PRKCA: variants seen among roughly 807,000 people sequenced by gnomAD.
The protein encoded by PRKCA is protein kinase C alpha type.
Under a neutral mutation model 87.0 loss-of-function variants are expected in PRKCA, and 27 were observed. That is an observed-to-expected ratio of 0.31 (90% confidence interval 0.23 to 0.43). PRKCA has a LOEUF of 0.43. Ranked by LOEUF, PRKCA falls within the 20% of genes least tolerant of loss-of-function variation. PRKCA has a pLI of 1.00. For synonymous variants in PRKCA, 329 were observed against 311.1 expected, an observed-to-expected ratio of 1.06 and a Z score of -0.61; for missense variants, 518 against 852.3, an observed-to-expected ratio of 0.61 and a Z score of 4.88.
chr17:66,510,196 G>GT (rs1917163010), intron 3 of PRKCA, among the ~76,000 whole-genome samples: 1 of 152,132 alleles, frequency 6.6e-6, no homozygotes, highest in Non-Finnish European at 1.5e-5. Context: ...TCTGTGAAAT[G>GT]TTTCCTGCGA....
chr17:66,498,370 CTCTCT>C (rs1298174341), intron 3 of PRKCA, among the ~76,000 whole-genome samples: 4 of 152,154 alleles, frequency 2.6e-5, no homozygotes, highest in South Asian at 4.2e-4. Context: ...TTTTTCTTTC[CTCTCT>C]TCTCTTCTCT....
intron 8 of PRKCA, among the ~76,000 whole-genome samples, chr17:66,710,279 C>T (rs1054890235): frequency 3.3e-5 from 5 of 152,044 alleles, no homozygotes; most frequent in Admixed American, 6.5e-5. Context: ...TGCTGTGTCT[C>T]GGGGTCACCG....
rs371432083 is a variant in PRKCA at position 66,731,883 on chromosome 17, C to A, written c.919-805C>A. Among the ~76,000 whole-genome samples, 267 of 148,356 alleles carry A rather than the reference C, an allele frequency of 1.8e-3. 1 individual carries two copies. The highest frequency in any genetic ancestry group is 6.3e-3 in the African/African-American group (256 of 40,354). On this transcript the variant is annotated intron_variant, in intron 8 of 16. Transcript: ENST00000413366. ...ACTGCAACCTCCGCCCCCCGCCCCC[C>A]GGTTCAAGCGATTCTCCTGCCTCAG...
At chr17:66,572,662 G>A (rs2143401434) in intron 3 of PRKCA, among the ~76,000 whole-genome samples, 1 of 152,100 alleles carries the variant, frequency 6.6e-6, no homozygotes, top group South Asian at 2.1e-4. Flanking sequence ...ACCATGCCTG[G>A]CTTTTTGATT....
chr17:66,635,694 G>A (rs1598833003), intron 3 of PRKCA, among the ~76,000 whole-genome samples: 1 of 152,130 alleles, frequency 6.6e-6, no homozygotes. Context: ...CAATACTACT[G>A]TATTCCCTAT....
At chr17:66,748,623 G>C (rs1274584812) in intron 13 of PRKCA, among the ~76,000 whole-genome samples, 1 of 152,174 alleles carries the variant, frequency 6.6e-6, no homozygotes, top group Non-Finnish European at 1.5e-5. Flanking sequence ...ATCCCTGAGA[G>C]AGCAGTGTTG....
At chr17:66,539,411 T>G (rs1967901752) in intron 3 of PRKCA, among the ~76,000 whole-genome samples, 1 of 151,996 alleles carries the variant, frequency 6.6e-6, no homozygotes, top group Non-Finnish European at 1.5e-5. Flanking sequence ...TGAAATCTTT[T>G]TTTTTTTTTT....
rs571366057 is a variant in PRKCA, at chr17:66,643,337, T to G, written c.400+1871T>G. 5.3e-3 allele frequency among the ~76,000 whole-genome samples: 802 copies of G among 152,294 alleles called. 10 individuals are homozygous for G. Among genetic ancestry groups the G allele is most frequent in the African/African-American group, 0.018 (756 of 41,574 alleles). The stretch of plus-strand genomic sequence containing the variant: ...AGTTTTCTGCATGAATGAGGATTTT[T>G]GGATGCTGTACTACTTTAACATAAT... On this transcript the variant is annotated intron_variant, in intron 4 of 16. Coordinates refer to ENST00000413366, the MANE Select transcript of PRKCA (RefSeq NM_002737.3).
intron 2 of PRKCA, among the ~76,000 whole-genome samples, chr17:66,463,898 A>T (rs1567842631): frequency 6.6e-6 from 1 of 152,168 alleles, no homozygotes; most frequent in East Asian, 1.9e-4. Flanking sequence ...CAAAGTCCAC[A>T]GTTTATGGAA....
At chr17:66,794,096 A>G (rs1389906653) in intron 16 of PRKCA, among the ~76,000 whole-genome samples, 1 of 152,238 alleles carries the variant, frequency 6.6e-6, no homozygotes, top group African/African-American at 2.4e-5. Context: ...CACTGTACTT[A>G]AATGGTTATT....
chr17:66,309,923 A>G (rs182458493), intron 2 of PRKCA, among the ~76,000 whole-genome samples: 87 of 152,232 alleles, frequency 5.7e-4, no homozygotes, highest in Non-Finnish European at 3.8e-4. Context: ...TGCACTGGCT[A>G]CTTCCAAAGT....
intron 3 of PRKCA, among the ~76,000 whole-genome samples, chr17:66,546,947 C>G (rs1968162576): frequency 1.3e-5 from 2 of 152,138 alleles, no homozygotes; most frequent in South Asian, 4.1e-4. Context: ...CTCATTTTGC[C>G]AAGCATAAAA....
intron 4 of PRKCA, among the ~76,000 whole-genome samples, chr17:66,643,295 G>A (rs528377041): frequency 2.6e-5 from 4 of 152,222 alleles, no homozygotes; most frequent in Non-Finnish European, 4.4e-5. Flanking sequence ...CGTTAGACAC[G>A]GTTCCTGTTT....
At chr17:66,416,617 T>C (rs1912167102) in intron 2 of PRKCA, 1 of 152,178 alleles carries the variant, frequency 6.6e-6, no homozygotes, top group Non-Finnish European at 1.5e-5. Context: ...ATCCACCCAA[T>C]AGTCTCAAGC....
chr17:66,735,349 C>T, intron 9 of PRKCA, 140 bp from the exon 10 acceptor site: 1 of 878,088 alleles, frequency 1.1e-6, no homozygotes, highest in Non-Finnish European at 1.8e-6. Context: ...CAAATTTGCA[C>T]ATAAAGTTTA....
At chr17:66,751,218 C>G (rs1021841071) in intron 13 of PRKCA, among the ~76,000 whole-genome samples, 10 of 152,214 alleles carry the variant, frequency 6.6e-5, no homozygotes, top group Non-Finnish European at 1.3e-4. Context: ...ATGCGCCACG[C>G]ACTTAACGCC....
At chr17:66,582,421 A>G (rs1969471637) in intron 3 of PRKCA, among the ~76,000 whole-genome samples, 1 of 152,118 alleles carries the variant, frequency 6.6e-6, no homozygotes, top group Non-Finnish European at 1.5e-5. Context: ...AGGTGGAGAT[A>G]ATGGAATCAT....
Position 66,440,214 on chromosome 17 carries a change from G to A in PRKCA, c.206-55987G>A, listed in dbSNP as rs768691233. 3.2e-4 allele frequency among the ~76,000 whole-genome samples: 48 copies of A among 152,266 alleles called. 2 individuals are homozygous for A. Among genetic ancestry groups the A allele is most frequent in the Non-Finnish European group, 4.1e-4 (28 of 68,020 alleles). On this transcript the variant is annotated intron_variant, in intron 2 of 16. Transcript: ENST00000413366. ...ATTAAACTCAAGTGACTGACAAGGCGAATAAAAATAGCCCAAAATGAGTCC... is the reference window on the plus strand; with the variant it reads ...ATTAAACTCAAGTGACTGACAAGGCAAATAAAAATAGCCCAAAATGAGTCC...
chr17:66,586,014 A>T (rs562088084), intron 3 of PRKCA, among the ~76,000 whole-genome samples: 88 of 152,280 alleles, frequency 5.8e-4, no homozygotes, highest in Admixed American at 1.6e-3. Flanking sequence ...TGGGGAGTTG[A>T]CCTTTCTGGA....
Sources: gnomAD v4.1 joint callset for allele counts (sites outside exome capture counted in the v4.1 genomes callset) on GRCh38, gnomAD v4.1.1 for gene constraint, MANE v1.5 for transcripts, NCBI Gene and HGNC (gene_info 2026-07-23, HGNC 2026-07-21) for gene names.